ATP10B: variants seen among roughly 807,000 people sequenced by gnomAD.
The protein encoded by ATP10B is ATPase phospholipid transporting 10B (putative).
In ATP10B, 122 loss-of-function variants were observed where a neutral mutation model predicts 141.2. The ratio of observed to expected loss-of-function variants is 0.86; its 90% CI spans 0.75 to 1.00. ATP10B has a LOEUF of 1.00. Among genes scored for constraint, ATP10B ranks in the 50% least tolerant of loss-of-function variants. The probability of loss-of-function intolerance (pLI) is 0.00; values close to 1 mark genes in which losing one functional copy is unlikely to be tolerated. For missense variants in ATP10B, 1,876 were observed against 1,825.3 expected (o/e 1.03, Z -0.51); for synonymous variants, 685 against 692.0 (o/e 0.99, Z 0.16).
chr5:160,887,084 G>C, the ATP10B span, among the ~76,000 whole-genome samples: 1 of 152,134 alleles, frequency 6.6e-6, no homozygotes, highest in Non-Finnish European at 1.5e-5. Context: ...TAATGTAATT[G>C]AGCCAGGCAC....
upstream of ATP10B, among the ~76,000 whole-genome samples, chr5:160,855,980 T>C (rs1020333045): frequency 9.9e-5 from 15 of 152,040 alleles, no homozygotes; most frequent in Non-Finnish European, 1.8e-4. Flanking sequence ...TTGATGACTA[T>C]AATCATATAA....
the ATP10B span, among the ~76,000 whole-genome samples, chr5:160,871,732 A>G: frequency 6.6e-6 from 1 of 152,148 alleles, no homozygotes; most frequent in Admixed American, 6.5e-5. Context: ...GTATTCCATC[A>G]TGTATATACA....
At chr5:160,722,769 C>T (rs2127783487) in intron 2 of ATP10B, among the ~76,000 whole-genome samples, 1 of 152,250 alleles carries the variant, frequency 6.6e-6, no homozygotes, top group South Asian at 2.1e-4. Context: ...GGGTCCTTGC[C>T]CTCTCCTGCT....
chr5:160,596,188 T>C (rs1010194251), intron 22 of ATP10B, among the ~76,000 whole-genome samples: 1 of 152,170 alleles, frequency 6.6e-6, no homozygotes, highest in Non-Finnish European at 1.5e-5. Flanking sequence ...AAAAAACTTA[T>C]CCACCATGAT....
At chr5:160,843,109 A>G (rs1775907368) in intron 1 of ATP10B, among the ~76,000 whole-genome samples, 5 of 152,160 alleles carry the variant, frequency 3.3e-5, no homozygotes, top group Admixed American at 3.3e-4. Context: ...AGGCTAATAC[A>G]TAATGACCAG....
chr5:160,813,851 C>A (rs1020485392), intron 1 of ATP10B, among the ~76,000 whole-genome samples: 1 of 152,232 alleles, frequency 6.6e-6, no homozygotes, highest in Non-Finnish European at 1.5e-5. Context: ...GCAGCCTCCA[C>A]TGCTGATACC....
At chr5:160,732,013 C>G (rs1196911324) in intron 2 of ATP10B, among the ~76,000 whole-genome samples, 1 of 152,048 alleles carries the variant, frequency 6.6e-6, no homozygotes, top group Admixed American at 6.6e-5. Flanking sequence ...GTGACCAATT[C>G]TCAAAGGAAA....
chr5:160,810,823 G>A (rs1447283912), intron 1 of ATP10B, among the ~76,000 whole-genome samples: 1 of 152,044 alleles, frequency 6.6e-6, no homozygotes, highest in African/African-American at 2.4e-5. Context: ...TTGCTTTAGT[G>A]TCTTTTTCAT....
At position 160,840,217 on chromosome 5, in the gene ATP10B, A is replaced by C. The variant is rs1775726092; in HGVS notation, c.-576+11724T>G. Among the ~76,000 whole-genome samples, 5 of 152,066 alleles carry C rather than the reference A, an allele frequency of 3.3e-5. No individual in the cohort carries two copies. In the South Asian group the frequency reaches 1.0e-3, roughly 32 times the overall value. On this transcript the variant is annotated intron_variant, in intron 1 of 25. Coordinates refer to ENST00000327245, the MANE Select transcript of ATP10B (RefSeq NM_025153.3). ...AGATTCACCCAAGAAAATATTGACA[A>C]GCTTTCTTGTCAAGTTAGATATATT...
intron 24 of ATP10B, 62 bp from the exon 25 acceptor site, chr5:160,569,745 C>A: frequency 2.3e-6 from 3 of 1,300,446 alleles, no homozygotes; most frequent in South Asian, 3.3e-5. Context: ...GCAGGGTGAT[C>A]AAACTACTTG....
At chr5:160,651,526 A>C (rs1760737544) in intron 7 of ATP10B, among the ~76,000 whole-genome samples, 2 of 152,060 alleles carry the variant, frequency 1.3e-5, no homozygotes, top group Non-Finnish European at 2.9e-5. Flanking sequence ...CTATGTGTTA[A>C]AGTGTTGAAA....
At chr5:160,902,717 ATTT>A in the ATP10B span, among the ~76,000 whole-genome samples, 100 of 152,264 alleles carry the variant, frequency 6.6e-4, 1 homozygote, top group African/African-American at 2.3e-3. Context: ...AGTATTTTCT[ATTT>A]TTCTGTTATG....
intron 7 of ATP10B, among the ~76,000 whole-genome samples, chr5:160,670,187 G>A (rs1406613488): frequency 5.3e-5 from 8 of 152,124 alleles, no homozygotes; most frequent in African/African-American, 1.9e-4. Context: ...AGAGAGTATA[G>A]TTTCCTCAGT....
chr5:160,734,135 A>G (rs1766947459), intron 2 of ATP10B, among the ~76,000 whole-genome samples: 1 of 149,240 alleles, frequency 6.7e-6, no homozygotes, highest in Non-Finnish European at 1.5e-5. Flanking sequence ...AAAAGGAATG[A>G]AGGCAAAATA....
At chr5:160,629,711 T>C (rs1758812285) in intron 13 of ATP10B, among the ~76,000 whole-genome samples, 1 of 152,200 alleles carries the variant, frequency 6.6e-6, no homozygotes, top group Admixed American at 6.5e-5. Context: ...AATAAACTCA[T>C]GAGCCAGAAC....
intron 1 of ATP10B, among the ~76,000 whole-genome samples, chr5:160,822,989 CATATATATATACATATATATATATAT>C (rs1353466253): frequency 0.064 from 4,451 of 69,748 alleles, 282 homozygotes; most frequent in Middle Eastern, 0.13. Context: ...ATTACATATA[CATATATATATACATATATATATATAT>C]ATATATATAT....
chr5:160,828,900 A>G (rs10046036), intron 1 of ATP10B, among the ~76,000 whole-genome samples: 1 of 144,190 alleles, frequency 6.9e-6, no homozygotes, highest in Admixed American at 7.1e-5. Context: ...AGTTCATGTC[A>G]TTTGTAGGGA....
At chr5:160,912,158 T>C in the ATP10B span, among the ~76,000 whole-genome samples, 821 of 152,154 alleles carry the variant, frequency 5.4e-3, 6 homozygotes, top group African/African-American at 0.019. Flanking sequence ...ACTATTACAC[T>C]TGGGTTCTCA....
intron 25 of ATP10B, among the ~76,000 whole-genome samples, chr5:160,567,892 AG>A (rs1428544776): frequency 6.6e-6 from 1 of 152,184 alleles, no homozygotes; most frequent in East Asian, 1.9e-4. Context: ...TTGGGGTGAA[AG>A]GGTAATAGTC....
Sources: allele counts gnomAD v4.1 joint callset (sites outside exome capture counted in the v4.1 genomes callset), GRCh38; gene constraint gnomAD v4.1.1; transcripts MANE v1.5; gene names NCBI Gene and HGNC (gene_info 2026-07-23, HGNC 2026-07-21).